Variants in FNBP4 observed in about 807,000 individuals in gnomAD.
FNBP4 encodes formin binding protein 4.
FNBP4 carries 34 observed loss-of-function variants against 119.3 expected under a neutral mutation model. That is an observed-to-expected ratio of 0.28 (90% CI 0.22 to 0.38). The LOEUF (loss-of-function observed/expected upper bound fraction) is 0.38, where lower values mean the gene tolerates loss of function less well. Ranked by LOEUF, FNBP4 falls within the 10% of genes least tolerant of loss-of-function variation. The pLI, the probability that FNBP4 is intolerant of heterozygous loss-of-function variation, is 1.00. For synonymous variants in FNBP4, 462 were observed against 430.6 expected (o/e 1.07, Z -0.90); for missense variants, 1,112 against 1,228.9 (o/e 0.90, Z 1.42).
rs976575276 is a variant in FNBP4 at position 47,746,146 on chromosome 11, C to T, written c.1155G>A (p.Glu385=). Residue 385 remains glutamate, a synonymous_variant, in exon 7 of 17, where the codon GAG becomes GAA. Coordinates refer to ENST00000263773, the MANE Select transcript of FNBP4 (RefSeq NM_015308.5). ...MLDNIEDPSQ[E]DLCSVVQSGE... is the part of the protein sequence containing the mutation. ...CAGATTGGACAACACTGCAAAGATCCTCCTGAGAAGGGTCTTCTATATTGT... is the reference window on the plus strand; with the variant it reads ...CAGATTGGACAACACTGCAAAGATCTTCCTGAGAAGGGTCTTCTATATTGT... 30 of 1,614,032 alleles carry T rather than the reference C, an allele frequency of 1.9e-5. No homozygotes were observed. Among genetic ancestry groups the T allele is most frequent in the Non-Finnish European group, 2.5e-5 (29 of 1,180,034 alleles).
At chr11:47,720,186 T>C (rs2097553959) in intron 15 of FNBP4, 100 bp from the exon 16 acceptor site, 11 of 1,082,106 alleles carry the variant, frequency 1.0e-5, no homozygotes, top group Non-Finnish European at 1.4e-5. Flanking sequence ...TTCTAAAGAA[T>C]ATGCACACTT....
intron 15 of FNBP4, among the ~76,000 whole-genome samples, chr11:47,721,658 T>C (rs950227002): frequency 6.6e-6 from 1 of 152,016 alleles, no homozygotes; most frequent in East Asian, 1.9e-4. Context: ...TATAATGATA[T>C]AATATTTTTT....
intron 8 of FNBP4, among the ~76,000 whole-genome samples, chr11:47,737,903 A>C (rs2097576441): frequency 6.6e-6 from 1 of 150,844 alleles, no homozygotes; most frequent in Non-Finnish European, 1.5e-5. Flanking sequence ...TGTGCCACCA[A>C]GCCTGGCTAC....
In FNBP4 at chr11:47,719,978, A is replaced by C. The variant is rs1002768909; in HGVS notation, c.2914T>G (p.Ser972Ala). 4 of 1,613,838 alleles carry C rather than the reference A, an allele frequency of 2.5e-6. No homozygotes were observed. The highest frequency in any genetic ancestry group is 3.4e-6 in the Non-Finnish European group (4 of 1,179,960). The change falls in exon 16 of 17, where the codon TCA (serine) becomes GCA (alanine). Residue 972 changes from serine (S) to alanine (A), a missense_variant. Ser to Ala is a moderately conservative substitution (Grantham distance 99, BLOSUM62 1). Coordinates refer to ENST00000263773, the MANE Select transcript of FNBP4 (RefSeq NM_015308.5). ...NSSSSEEDRE[S>A]TAQKRIEEWK... ...TCTTCAATTCGCTTCTGTGCAGTTG[A>C]TTCCCGATCCTCTTCACTGGAACTA...
intron 9 of FNBP4, among the ~76,000 whole-genome samples, chr11:47,734,648 TG>T (rs1262788863): frequency 3.3e-5 from 5 of 152,072 alleles, no homozygotes; most frequent in African/African-American, 1.2e-4. Context: ...TATGGGGAGA[TG>T]TTGGTCAAAG....
In FNBP4 at chr11:47,754,636, A is replaced by T. The variant is rs760735112; in HGVS notation, c.342T>A (p.Ala114=). Residue 114 remains alanine (A), a synonymous_variant, in exon 3 of 17, where the codon GCT becomes GCA. Coordinates refer to ENST00000263773, the MANE Select transcript of FNBP4 (RefSeq NM_015308.5). ...CATCATTGTCATCGTCATCACTGTC[A>T]GCATAAGCACCAAGCAAGCATAGAC... ...TGGLCLLGAY[A]DSDDDDNDVS... 1.7e-5 allele frequency: 27 copies of T among 1,614,070 alleles called. No individual in the cohort carries two copies. In the South Asian group the frequency reaches 3.0e-4, roughly 18 times the overall value.
chr11:47,735,576 A>G (rs1344378911), intron 9 of FNBP4, among the ~76,000 whole-genome samples: 1 of 152,250 alleles, frequency 6.6e-6, no homozygotes, highest in Non-Finnish European at 1.5e-5. Context: ...AGAGAAGCCT[A>G]TAAGCTACTG....
rs1030591849 is a variant in FNBP4, at chr11:47,734,986, C to T, written c.1582-857G>A. On this transcript the variant is annotated intron_variant, in intron 9 of 16. Coordinates refer to ENST00000263773, the MANE Select transcript of FNBP4 (RefSeq NM_015308.5). ...GACTCCATCACCCCAACACCCCCCC[C>T]CCCAAAAAAAAAGGAAATCTAAAGC... 8.0e-5 allele frequency among the ~76,000 whole-genome samples: 9 copies of T among 112,656 alleles called. 1 individual carries two copies. The highest frequency in any genetic ancestry group is 2.8e-4 in the South Asian group (1 of 3,542). The allele number at this position is 112,656 out of a possible 152,430, so 73.9% of individuals were successfully genotyped here.
Position 47,746,089 on chromosome 11 carries a change from G to A in FNBP4, c.1212C>T (p.Thr404=). 6.2e-7 allele frequency: 1 copy of A among 1,606,518 alleles called. No individual in the cohort carries two copies. Among genetic ancestry groups the A allele is most frequent in the Non-Finnish European group, 8.5e-7 (1 of 1,178,216 alleles). Residue 404 remains threonine, a synonymous_variant, in exon 7 of 17, where the codon ACC becomes ACT. Coordinates refer to ENST00000263773, the MANE Select transcript of FNBP4 (RefSeq NM_015308.5). ...GESEEEEEQD[T]LELELVLERK... is the part of the protein sequence containing the mutation. ...TTTCCAAAACTAGCTCCAGTTCAAG[G>A]GTATCTTGTTCCTCTTCCTCCTCAC...
chr11:47,755,957 TAC>T (rs2097616850), intron 2 of FNBP4, among the ~76,000 whole-genome samples: 1 of 152,218 alleles, frequency 6.6e-6, no homozygotes, highest in African/African-American at 2.4e-5. Flanking sequence ...CTGAGCCAAT[TAC>T]AGTGTAGCAG....
chr11:47,734,973 C>A (rs1400165838), intron 9 of FNBP4, among the ~76,000 whole-genome samples: 2 of 136,008 alleles, frequency 1.5e-5, no homozygotes, highest in Non-Finnish European at 3.1e-5. Context: ...CTCCATCACC[C>A]CAACACCCCC....
chr11:47,748,204 A>G lies in FNBP4; in HGVS notation c.907-1810T>C, dbSNP rs549356517. ...CAGTGAGCAGAGATCGCGCCACTGC[A>G]CTCCAGCCTGGGTGACAGAGCTAGG... On this transcript the variant is annotated intron_variant, in intron 6 of 16. Transcript: ENST00000263773. Among the ~76,000 whole-genome samples, 69 of 152,046 alleles carry G rather than the reference A, an allele frequency of 4.5e-4. 1 individual carries two copies. The South Asian group carries it at 0.013, about 30-fold the overall frequency.
At chr11:47,730,091 T>TG (rs1308987568) in intron 12 of FNBP4, 2 of 985,282 alleles carry the variant, frequency 2.0e-6, no homozygotes, top group East Asian at 2.3e-4. Flanking sequence ...TTGGTAACAG[T>TG]GGAATTTTCA....
chr11:47,762,427 T>C (rs2097637604), intron 2 of FNBP4, among the ~76,000 whole-genome samples: 1 of 152,048 alleles, frequency 6.6e-6, no homozygotes, highest in South Asian at 2.1e-4. Context: ...GTGCCCCGCC[T>C]ATTTTTTTAA....
chr11:47,763,900 A>G (rs1177086635), intron 2 of FNBP4, among the ~76,000 whole-genome samples: 1 of 152,172 alleles, frequency 6.6e-6, no homozygotes, highest in Non-Finnish European at 1.5e-5. Context: ...CACAATTTGT[A>G]TATCAGCTAC....
chr11:47,720,689 T>C (rs2097554689), intron 15 of FNBP4, among the ~76,000 whole-genome samples: 1 of 151,572 alleles, frequency 6.6e-6, no homozygotes, highest in Non-Finnish European at 1.5e-5. Flanking sequence ...TTCAAAATAT[T>C]GCCTTTATCG....
At chr11:47,762,068 C>T (rs2097636197) in intron 2 of FNBP4, among the ~76,000 whole-genome samples, 1 of 151,590 alleles carries the variant, frequency 6.6e-6, no homozygotes, top group African/African-American at 2.4e-5. Flanking sequence ...GAACTCCAGA[C>T]CTCAGATGAT....
At chr11:47,731,712 A>G in intron 11 of FNBP4, 151 bp from the exon 12 acceptor site, 1 of 1,397,874 alleles carries the variant, frequency 7.2e-7, no homozygotes, top group Admixed American at 3.3e-5. Context: ...AGCTTTGACA[A>G]TTGAGAATGG....
rs547156827 is a variant in FNBP4 at position 47,720,573 on chromosome 11, T to A, written c.2806-487A>T. ...AGAGGGAGACTCCGTCTCAAAAAAA[T>A]AAATAAATAAATAAATAAATAAATA... On this transcript the variant is annotated intron_variant, in intron 15 of 16. Transcript: ENST00000263773. Among the ~76,000 whole-genome samples the A allele has an allele frequency of 9.2e-3, 846 of 92,282 alleles. 3 individuals are homozygous for A. Among genetic ancestry groups the A allele is most frequent in the Middle Eastern group, 0.029 (5 of 172 alleles). The allele number at this position is 92,282 out of a possible 152,430, so 60.5% of individuals were successfully genotyped here.
Sources: allele counts gnomAD v4.1 joint callset (sites outside exome capture counted in the v4.1 genomes callset), GRCh38; gene constraint gnomAD v4.1.1; transcripts MANE v1.5; gene names NCBI Gene and HGNC (gene_info 2026-07-23, HGNC 2026-07-21).